Variants in UTRN observed in about 807,000 individuals in gnomAD.
UTRN encodes the protein utrophin, also known as dystrophin-related protein 1.
In UTRN, 283 loss-of-function variants were observed where a neutral mutation model predicts 463.9. That is an observed-to-expected ratio of 0.61 (90% confidence interval 0.55 to 0.67). The LOEUF (loss-of-function observed/expected upper bound fraction) is 0.67, where lower values mean the gene tolerates loss of function less well. Ranked by LOEUF, UTRN falls within the 30% of genes least tolerant of loss-of-function variation. The probability of loss-of-function intolerance (pLI) is 0.00; values close to 1 mark genes in which losing one functional copy is unlikely to be tolerated. For synonymous variants in UTRN, 1,442 were observed against 1,431.5 expected, an observed-to-expected ratio of 1.01 and a Z score of -0.17; for missense variants, 3,922 against 4,084.3, an observed-to-expected ratio of 0.96 and a Z score of 1.08.
intron 54 of UTRN, among the ~76,000 whole-genome samples, chr6:144,747,147 C>T (rs1447740487): frequency 6.6e-6 from 1 of 152,154 alleles, no homozygotes; most frequent in African/African-American, 2.4e-5. Context: ...TGATTTGGAA[C>T]ATTTTGAGGT....
chr6:144,749,050 G>C (rs1173165364), intron 55 of UTRN, among the ~76,000 whole-genome samples: 2 of 152,034 alleles, frequency 1.3e-5, no homozygotes, highest in African/African-American at 4.8e-5. Flanking sequence ...TCTATAAATT[G>C]TATCTTATTG....
intron 51 of UTRN, among the ~76,000 whole-genome samples, chr6:144,595,640 G>A (rs1803566919): frequency 6.6e-6 from 1 of 152,146 alleles, no homozygotes; most frequent in South Asian, 2.1e-4. Flanking sequence ...TGAGTCTGCA[G>A]CATCTAGTCA....
chr6:144,573,040 A>G (rs948806633), intron 50 of UTRN, among the ~76,000 whole-genome samples: 6 of 152,122 alleles, frequency 3.9e-5, no homozygotes, highest in African/African-American at 1.4e-4. Flanking sequence ...CTATTTCTCC[A>G]CATCCTCTCC....
intron 23 of UTRN, among the ~76,000 whole-genome samples, chr6:144,469,703 C>CTTTTTTTTTTTTTTTTTTTTTTTT (rs545551155): frequency 2.2e-5 from 3 of 135,708 alleles, no homozygotes; most frequent in Non-Finnish European, 3.1e-5. Flanking sequence ...TGTTTCTTTC[C>CTTTTTTTTTTTTTTTTTTTTTTTT]TTTTTTTTTT....
chr6:144,824,574 A>T (rs1441160922), intron 66 of UTRN, among the ~76,000 whole-genome samples: 25 of 19,980 alleles, frequency 1.3e-3, no homozygotes, highest in Non-Finnish European at 1.2e-3. Context: ...CATTTTATTT[A>T]TATATATATA....
At chr6:144,483,679 G>C (rs1221850879) in intron 27 of UTRN, among the ~76,000 whole-genome samples, 1 of 152,170 alleles carries the variant, frequency 6.6e-6, no homozygotes, top group East Asian at 1.9e-4. Context: ...GAACTCTTGG[G>C]CTCAAGCCAT....
intron 53 of UTRN, among the ~76,000 whole-genome samples, chr6:144,707,828 A>G (rs1371509669): frequency 3.3e-5 from 5 of 152,134 alleles, no homozygotes; most frequent in African/African-American, 1.2e-4. Context: ...CATTTGTGTA[A>G]GAGTGAATGT....
At chr6:144,835,108 T>C (rs1274032648) in intron 69 of UTRN, among the ~76,000 whole-genome samples, 1 of 152,256 alleles carries the variant, frequency 6.6e-6, no homozygotes, top group African/African-American at 2.4e-5. Flanking sequence ...CATTCACTTA[T>C]GTCAGTTACT....
At chr6:144,577,435 T>G (rs1801547204) in intron 51 of UTRN, 147 bp downstream of exon 51, 1 of 824,090 alleles carries the variant, frequency 1.2e-6, no homozygotes, top group Non-Finnish European at 1.8e-6. Context: ...ATAGGTTTCT[T>G]GAAATAAGCT....
chr6:144,774,973 A>G (rs1367996982), intron 60 of UTRN, among the ~76,000 whole-genome samples: 2 of 152,212 alleles, frequency 1.3e-5, no homozygotes, highest in African/African-American at 2.4e-5. Context: ...AATACTTAGC[A>G]TATAGATTTA....
intron 2 of UTRN, among the ~76,000 whole-genome samples, chr6:144,390,080 C>G (rs923795386): frequency 2.6e-5 from 4 of 152,144 alleles, no homozygotes; most frequent in Admixed American, 2.6e-4. Context: ...GCATAGAGAG[C>G]AGATTTTAAG....
rs772397427 is a variant in UTRN, at chr6:144,531,156, C to T, written c.6011C>T (p.Ala2004Val). Residue 2004 changes from alanine (A) to valine (V), a missense_variant, in exon 42 of 75, where the codon GCT becomes GTT. Ala to Val is a moderately conservative substitution (Grantham distance 64). This residue lies in a region of UTRN where 2,349 missense variants were observed against 2,303.8 expected (regional missense o/e 1.02). Coordinates refer to ENST00000367545, the MANE Select transcript of UTRN (RefSeq NM_007124.3). ...EAEELLVDTCAPGGSLDLEKA... is the reference protein window; with the variant it reads ...EAEELLVDTCVPGGSLDLEKA... Reference sequence around the variant, plus strand: ...GAAGAATTACTGGTTGATACCTGTGCTCCAGGTGGCAGCCTGGACTTAGAG... The same window carrying T: ...GAAGAATTACTGGTTGATACCTGTGTTCCAGGTGGCAGCCTGGACTTAGAG... 4 of 1,613,848 alleles carry T rather than the reference C, an allele frequency of 2.5e-6. No homozygotes were observed. The highest frequency in any genetic ancestry group is 3.4e-6 in the Non-Finnish European group (4 of 1,179,948).
Position 144,440,408 on chromosome 6 carries a change from G to A in UTRN, c.1449G>A (p.Met483Ile), listed in dbSNP as rs201316403. 4.3e-6 allele frequency: 7 copies of A among 1,614,144 alleles called. No individual in the cohort carries two copies. Among genetic ancestry groups the A allele is most frequent in the Non-Finnish European group, 5.1e-6 (6 of 1,180,022 alleles). The part of the protein sequence containing the change: ...EQVKVNSLTH[M>I]VVIVDENSGE... Reference sequence around the variant, plus strand: ...TGAAAGTAAATTCACTAACTCACATGGTGGTCATTGTTGATGAAAACAGTG... The same window carrying A: ...TGAAAGTAAATTCACTAACTCACATAGTGGTCATTGTTGATGAAAACAGTG... The change falls in exon 13 of 75, where the codon ATG becomes ATA. Residue 483 changes from methionine to isoleucine, a missense_variant. By Grantham distance (10) the Met-to-Ile change is conservative. Around this residue, in one of 3 missense-constraint regions of UTRN, gnomAD observed 2,349 missense variants for 2,303.8 expected, o/e 1.02. Transcript: ENST00000367545.
intron 53 of UTRN, among the ~76,000 whole-genome samples, chr6:144,704,255 A>G (rs529962923): frequency 2.9e-4 from 44 of 152,270 alleles, no homozygotes; most frequent in African/African-American, 1.0e-3. Context: ...TAGTTTATGA[A>G]AGAATATGAA....
rs200589851 is a variant in UTRN at position 144,771,984 on chromosome 6, A to G, written c.8557+16A>G. On this transcript the variant is annotated intron_variant, in intron 59 of 74. Coordinates refer to ENST00000367545, the MANE Select transcript of UTRN (RefSeq NM_007124.3). ...CAATCCCTTGGTAAGTGTTATTAATAGTAATAAATTAACCTAAACAACTGA... is the reference window on the plus strand; with the variant it reads ...CAATCCCTTGGTAAGTGTTATTAATGGTAATAAATTAACCTAAACAACTGA... 8 of 1,058,108 alleles carry G rather than the reference A, an allele frequency of 7.6e-6. No homozygotes were observed. The East Asian group carries it at 2.6e-4, about 34-fold the overall frequency. The allele number at this position is 1,058,108 out of a possible 1,614,324, so 65.5% of individuals were successfully genotyped here.
At chr6:144,612,989 G>T (rs945345798) in intron 51 of UTRN, among the ~76,000 whole-genome samples, 1 of 152,050 alleles carries the variant, frequency 6.6e-6, no homozygotes, top group Admixed American at 6.6e-5. Context: ...TAAAGAAAAT[G>T]TGGTATATCT....
rs1780517715 is a variant in UTRN, at chr6:144,376,956, G to C, written c.80-26167G>C. Among the ~76,000 whole-genome samples, 3 of 152,122 alleles carry C rather than the reference G, an allele frequency of 2.0e-5. No homozygotes were observed. In the South Asian group the frequency reaches 6.2e-4, roughly 32 times the overall value. On this transcript the variant is annotated intron_variant, in intron 2 of 74. Transcript: ENST00000367545. ...GATTAGAAAAATATGCACCCTGTTT[G>C]TCACAATAAATGGAGTGACCAAAGC...
chr6:144,469,895 G>A (rs1173279091), intron 23 of UTRN, among the ~76,000 whole-genome samples: 3 of 151,792 alleles, frequency 2.0e-5, no homozygotes, highest in Non-Finnish European at 4.4e-5. Flanking sequence ...TTAGGGAGTG[G>A]TGATGACTCT....
At chr6:144,419,567 C>T (rs551145048) in intron 3 of UTRN, among the ~76,000 whole-genome samples, 1 of 152,338 alleles carries the variant, frequency 6.6e-6, no homozygotes, top group South Asian at 2.1e-4. Flanking sequence ...GTGTTCACTA[C>T]TTGGGCAATG....
Sources: allele counts gnomAD v4.1 joint callset (sites outside exome capture counted in the v4.1 genomes callset), GRCh38; gene constraint gnomAD v4.1.1; regional missense constraint gnomAD v4.1.1; transcripts MANE v1.5; gene names NCBI Gene and HGNC (gene_info 2026-07-23, HGNC 2026-07-21).